LIN52: variants seen among roughly 807,000 people sequenced by gnomAD.
LIN52 encodes the protein protein lin-52 homolog.
A neutral mutation model predicts 18.5 loss-of-function variants in LIN52; 4 were observed. The observed-to-expected ratio is 0.22, with a 90% CI of 0.11 to 0.49. The LOEUF is 0.49. Among genes scored for constraint, LIN52 ranks in the 20% least tolerant of loss-of-function variants. The pLI, the probability that LIN52 is intolerant of heterozygous loss-of-function variation, is 0.97. For synonymous variants in LIN52, 34 were observed against 45.5 expected (o/e 0.75, Z 1.02); for missense variants, 102 against 139.5 (o/e 0.73, Z 1.35).
In LIN52 at chr14:74,137,498, C is replaced by CTTTT. The variant is rs71460959; in HGVS notation, c.283+36275_283+36278dup. 5.1e-3 allele frequency among the ~76,000 whole-genome samples: 564 copies of CTTTT among 111,578 alleles called. 36 individuals carry two copies. Among genetic ancestry groups the CTTTT allele is most frequent in the African/African-American group, 0.02 (537 of 26,854 alleles). 73.2% of individuals were successfully genotyped at this position (111,578 alleles called of 152,430 possible). On this transcript the variant is annotated intron_variant, in intron 5 of 5. Transcript: ENST00000555028. ...GCACTAAATTCTTCACAGCAGCTCT[C>CTTTT]TTTTTTTTTTTTTTTTTTGAGATGG...
chr14:74,145,356 A>C (rs183569487), intron 5 of LIN52, among the ~76,000 whole-genome samples: 3 of 152,300 alleles, frequency 2.0e-5, no homozygotes, highest in African/African-American at 7.2e-5. Flanking sequence ...TTGCCTCTCC[A>C]GTATTAACAG....
intron 5 of LIN52, among the ~76,000 whole-genome samples, chr14:74,179,679 GA>G (rs919456481): frequency 3.0e-4 from 8 of 26,324 alleles, no homozygotes; most frequent in Non-Finnish European, 8.9e-4. Flanking sequence ...AGAAAAAAAA[GA>G]AAAAAAAATC....
At chr14:74,151,890 G>A (rs568740229) in intron 5 of LIN52, among the ~76,000 whole-genome samples, 51 of 152,144 alleles carry the variant, frequency 3.4e-4, no homozygotes, top group African/African-American at 1.2e-3. Context: ...AAAACTATAG[G>A]TGATAAGTAA....
intron 5 of LIN52, among the ~76,000 whole-genome samples, chr14:74,185,429 C>G (rs528617965): frequency 6.8e-6 from 1 of 147,744 alleles, no homozygotes; most frequent in African/African-American, 2.5e-5. Flanking sequence ...ATTCTCCTGC[C>G]TCAGCCTCCC....
chr14:74,188,672 G>A (rs1055329096), intron 5 of LIN52, among the ~76,000 whole-genome samples: 5 of 151,818 alleles, frequency 3.3e-5, no homozygotes, highest in Admixed American at 1.3e-4. Flanking sequence ...TTCCTTTGAC[G>A]GGAAAGATTT....
intron 2 of LIN52, among the ~76,000 whole-genome samples, chr14:74,093,983 CAAA>C (rs1204550417): frequency 5.8e-5 from 5 of 86,714 alleles, no homozygotes; most frequent in Non-Finnish European, 4.8e-5. Context: ...AACTCTGTCT[CAAA>C]AAAAAAAAAA....
At chr14:74,091,338 A>G (rs1312468581) in intron 2 of LIN52, 32 bp downstream of exon 2, 7 of 1,331,044 alleles carry the variant, frequency 5.3e-6, no homozygotes, top group Admixed American at 1.9e-5. Flanking sequence ...ATCAGAGTCA[A>G]TGCAGGAGAA....
chr14:74,185,696 C>G (rs2061338174), intron 5 of LIN52, among the ~76,000 whole-genome samples: 1 of 152,148 alleles, frequency 6.6e-6, no homozygotes, highest in Admixed American at 6.5e-5. Context: ...AAAGTTACTT[C>G]AAAATAACTA....
chr14:74,130,278 G>GTTTTTTTTTTGTTTTTTTTTTTTTTTTTT (rs1566856483), intron 5 of LIN52, among the ~76,000 whole-genome samples: 1 of 64,840 alleles, frequency 1.5e-5, no homozygotes, highest in African/African-American at 6.3e-5. Flanking sequence ...GCATTTTTTG[G>GTTTTTTTTTTGTTTTTTTTTTTTTTTTTT]TTTTTTTTTT....
At chr14:74,134,332 A>T (rs2061085606) in intron 5 of LIN52, among the ~76,000 whole-genome samples, 1 of 152,164 alleles carries the variant, frequency 6.6e-6, no homozygotes, top group South Asian at 2.1e-4. Flanking sequence ...TACCAGCAGC[A>T]CTGAAGTGCT....
chr14:74,132,796 C>T (rs1186473542), intron 5 of LIN52, among the ~76,000 whole-genome samples: 1 of 152,154 alleles, frequency 6.6e-6, no homozygotes, highest in Non-Finnish European at 1.5e-5. Flanking sequence ...CGTGAGCCAC[C>T]GCGCCCAGCC....
At chr14:74,153,813 G>A (rs2061187040) in intron 5 of LIN52, among the ~76,000 whole-genome samples, 1 of 151,994 alleles carries the variant, frequency 6.6e-6, no homozygotes, top group Admixed American at 6.6e-5. Context: ...CAAAGTGCTG[G>A]GATTACAGGC....
intron 4 of LIN52, among the ~76,000 whole-genome samples, chr14:74,100,806 G>A (rs1012023447): frequency 6.6e-6 from 1 of 152,040 alleles, no homozygotes. Flanking sequence ...TACAGGTGAG[G>A]TATCATTGCC....
intron 2 of LIN52, among the ~76,000 whole-genome samples, chr14:74,094,886 C>G (rs2060797394): frequency 6.6e-6 from 1 of 151,964 alleles, no homozygotes; most frequent in Non-Finnish European, 1.5e-5. Context: ...TGCCGCCACA[C>G]CCAGCTAATC....
intron 5 of LIN52, among the ~76,000 whole-genome samples, chr14:74,173,051 T>C (rs1212923209): frequency 6.6e-6 from 1 of 152,242 alleles, no homozygotes; most frequent in Non-Finnish European, 1.5e-5. Context: ...AGCACAATAC[T>C]GACATAGAAC....
intron 5 of LIN52, among the ~76,000 whole-genome samples, chr14:74,176,611 C>T (rs779966118): frequency 3.3e-5 from 5 of 152,026 alleles, no homozygotes; most frequent in Non-Finnish European, 4.4e-5. Context: ...ATGAGTAATG[C>T]GTTGCACTAT....
chr14:74,107,027 C>T (rs1413602788), intron 5 of LIN52, among the ~76,000 whole-genome samples: 1 of 152,242 alleles, frequency 6.6e-6, no homozygotes, highest in East Asian at 1.9e-4. Flanking sequence ...TGACCCTCGC[C>T]GGATTACTCT....
At chr14:74,168,031 A>T (rs1220651497) in intron 5 of LIN52, among the ~76,000 whole-genome samples, 3 of 152,206 alleles carry the variant, frequency 2.0e-5, no homozygotes, top group Non-Finnish European at 4.4e-5. Flanking sequence ...AATGTCCAAG[A>T]ATTAAATGGA....
chr14:74,100,892 T>C (rs916431019), intron 4 of LIN52, among the ~76,000 whole-genome samples: 1 of 152,196 alleles, frequency 6.6e-6, no homozygotes, highest in Non-Finnish European at 1.5e-5. Flanking sequence ...TGAAGGCATG[T>C]GCTACCATGC....
Sources: allele counts gnomAD v4.1 joint callset (sites outside exome capture counted in the v4.1 genomes callset), GRCh38; gene constraint gnomAD v4.1.1; transcripts MANE v1.5; gene names NCBI Gene and HGNC (gene_info 2026-07-23, HGNC 2026-07-21).